GALNTL6: variants seen among roughly 807,000 people sequenced by gnomAD.
GALNTL6 encodes the protein polypeptide N-acetylgalactosaminyltransferase like 6, also known as polypeptide N-acetylgalactosaminyltransferase-like 6.
In GALNTL6, 46 loss-of-function variants were observed where a neutral mutation model predicts 73.7. The ratio of observed to expected loss-of-function variants is 0.62; its 90% CI spans 0.49 to 0.80. GALNTL6 has a LOEUF of 0.80. Among genes scored for constraint, GALNTL6 ranks in the 30% least tolerant of loss-of-function variants. The pLI is 0.00. For synonymous variants in GALNTL6, 259 were observed against 263.7 expected, an observed-to-expected ratio of 0.98 and a Z score of 0.17; for missense variants, 604 against 755.0, an observed-to-expected ratio of 0.80 and a Z score of 2.34.
intron 10 of GALNTL6, among the ~76,000 whole-genome samples, chr4:173,005,105 G>A (rs908665494): frequency 1.4e-4 from 1 of 7,212 alleles, no homozygotes; most frequent in Non-Finnish European, 0.012. Flanking sequence ...GAGCTGGGGG[G>A]CCGGTATTAA....
intron 7 of GALNTL6, among the ~76,000 whole-genome samples, chr4:172,855,416 G>C (rs546621370): frequency 1.3e-5 from 2 of 152,110 alleles, no homozygotes; most frequent in Non-Finnish European, 2.9e-5. Context: ...ATTAATTTAA[G>C]TTTAAAGAAA....
intron 8 of GALNTL6, among the ~76,000 whole-genome samples, chr4:172,884,409 G>T (rs2111196258): frequency 6.6e-6 from 1 of 152,184 alleles, no homozygotes. Context: ...TTGGCCATTT[G>T]TATGTCTTCT....
intron 5 of GALNTL6, among the ~76,000 whole-genome samples, chr4:172,634,108 C>T (rs1234179271): frequency 1.3e-5 from 2 of 152,316 alleles, no homozygotes; most frequent in Middle Eastern, 3.4e-3. Flanking sequence ...CCATATTCAC[C>T]TCCATCTGTT....
rs112068018 is a variant in GALNTL6 at position 172,434,250 on chromosome 4, T to G, written c.553+85561T>G. 8.1e-3 allele frequency among the ~76,000 whole-genome samples: 1,237 copies of G among 152,222 alleles called. 11 individuals carry two copies. The highest frequency in any genetic ancestry group is 0.028 in the African/African-American group (1,167 of 41,554). On this transcript the variant is annotated intron_variant, in intron 5 of 12. Coordinates refer to ENST00000506823, the MANE Select transcript of GALNTL6 (RefSeq NM_001034845.3). The stretch of plus-strand genomic sequence containing the variant: ...ATAACTTGTCTTGTTATACAAGACA[T>G]ATTTGGATATTCACTTTTACTCTTA...
At chr4:172,754,225 A>G (rs915818540) in intron 5 of GALNTL6, among the ~76,000 whole-genome samples, 1 of 152,186 alleles carries the variant, frequency 6.6e-6, no homozygotes, top group Non-Finnish European at 1.5e-5. Flanking sequence ...CTATTAATGT[A>G]AGTAGTATAC....
chr4:172,942,893 G>A (rs1748983935), intron 9 of GALNTL6, among the ~76,000 whole-genome samples: 1 of 152,000 alleles, frequency 6.6e-6, no homozygotes, highest in Admixed American at 6.6e-5. Context: ...TACTCACTTG[G>A]ACACAAATGA....
At chr4:172,380,595 C>T (rs569350639) in intron 5 of GALNTL6, 1 of 225,278 alleles carries the variant, frequency 4.4e-6, no homozygotes, top group African/African-American at 2.3e-5. Context: ...GAACGATTGT[C>T]ACTGTTTAAT....
intron 10 of GALNTL6, among the ~76,000 whole-genome samples, chr4:172,996,987 T>C (rs1751824473): frequency 6.6e-6 from 1 of 152,110 alleles, no homozygotes; most frequent in Non-Finnish European, 1.5e-5. Flanking sequence ...GGTAACCAGG[T>C]CTTCTTCTTC....
intron 7 of GALNTL6, among the ~76,000 whole-genome samples, chr4:172,823,150 A>T (rs1376927525): frequency 6.6e-6 from 1 of 152,216 alleles, no homozygotes; most frequent in Non-Finnish European, 1.5e-5. Flanking sequence ...ATACCAGAGC[A>T]TGGCAGAATT....
intron 8 of GALNTL6, among the ~76,000 whole-genome samples, chr4:172,918,831 T>A (rs1579653464): frequency 6.6e-6 from 1 of 152,218 alleles, no homozygotes; most frequent in Non-Finnish European, 1.5e-5. Context: ...GGTGGAAAGC[T>A]GCCCAACTGA....
chr4:171,934,772 G>A (rs940196627), intron 2 of GALNTL6, among the ~76,000 whole-genome samples: 7 of 152,130 alleles, frequency 4.6e-5, no homozygotes, highest in Admixed American at 1.3e-4. Context: ...AACTCTTAGA[G>A]CGAAAAGGCT....
intron 5 of GALNTL6, among the ~76,000 whole-genome samples, chr4:172,559,254 C>T (rs1300615345): frequency 1.3e-5 from 2 of 151,438 alleles, no homozygotes; most frequent in African/African-American, 2.4e-5. Context: ...TTAGTAGAGA[C>T]GGGGTTTCAC....
intron 5 of GALNTL6, among the ~76,000 whole-genome samples, chr4:172,636,373 C>T (rs1229825763): frequency 6.6e-6 from 1 of 152,118 alleles, no homozygotes; most frequent in Non-Finnish European, 1.5e-5. Context: ...GTCCTAATTC[C>T]CAGACCTCCA....
chr4:171,931,940 C>T (rs1305507911), intron 2 of GALNTL6, among the ~76,000 whole-genome samples: 1 of 152,002 alleles, frequency 6.6e-6, no homozygotes, highest in Non-Finnish European at 1.5e-5. Flanking sequence ...AATCTAATTA[C>T]ATTGTTATAC....
chr4:172,952,292 T>A, intron 10 of GALNTL6, 34 bp downstream of exon 10: 1 of 1,510,262 alleles, frequency 6.6e-7, no homozygotes, highest in Non-Finnish European at 9.2e-7. Context: ...TGCGCCTACC[T>A]ATGAGACTGT....
At chr4:171,949,672 A>G (rs1738810113) in intron 2 of GALNTL6, among the ~76,000 whole-genome samples, 1 of 152,210 alleles carries the variant, frequency 6.6e-6, no homozygotes, top group Non-Finnish European at 1.5e-5. Flanking sequence ...AAGACTAAGT[A>G]AAAATATATT....
At chr4:172,799,066 A>T (rs1330796782) in intron 5 of GALNTL6, among the ~76,000 whole-genome samples, 3 of 152,172 alleles carry the variant, frequency 2.0e-5, no homozygotes, top group Admixed American at 2.0e-4. Flanking sequence ...TAGCTAAGAT[A>T]ATTAAGTTGA....
At chr4:172,305,684 C>T (rs1241222940) in intron 3 of GALNTL6, among the ~76,000 whole-genome samples, 2 of 152,066 alleles carry the variant, frequency 1.3e-5, no homozygotes, top group Non-Finnish European at 2.9e-5. Context: ...GAGGCTCTAC[C>T]TATTAGAACT....
At position 172,873,346 on chromosome 4, in the gene GALNTL6, A is replaced by G. The variant is rs552627765; in HGVS notation, c.924-9444A>G. On this transcript the variant is annotated intron_variant, in intron 7 of 12. Transcript: ENST00000506823. ...TCCATGTAGGCTGAATTCTCTCACG[A>G]TAACTCAGAGCTAAAAGATCAAATG... Among the ~76,000 whole-genome samples the G allele has an allele frequency of 4.6e-5, 7 of 152,318 alleles. No individual in the cohort carries two copies. In the South Asian group the frequency reaches 1.0e-3, roughly 23 times the overall value.
Sources: gnomAD v4.1 joint callset for allele counts (sites outside exome capture counted in the v4.1 genomes callset) on GRCh38, gnomAD v4.1.1 for gene constraint, MANE v1.5 for transcripts, NCBI Gene and HGNC (gene_info 2026-07-23, HGNC 2026-07-21) for gene names.